RB1: variants seen among roughly 807,000 people sequenced by gnomAD.
RB1 encodes the protein retinoblastoma-associated protein.
A neutral mutation model predicts 135.4 loss-of-function variants in RB1; 18 were observed. The observed-to-expected ratio is 0.13, with a 90% CI of 0.09 to 0.20. The LOEUF is 0.20. RB1 is among the 10% of genes least tolerant of loss of function. The pLI is 1.00. For missense variants in RB1, 868 were observed against 1,110.0 expected, an observed-to-expected ratio of 0.78 and a Z score of 3.10; for synonymous variants, 365 against 373.2, an observed-to-expected ratio of 0.98 and a Z score of 0.25.
rs756634613 is a variant in RB1, at chr13:48,480,065, G to T, written c.2781G>T (p.Glu927Asp). Residue 927 changes from glutamate (E) to aspartate (D), a missense_variant, in exon 27 of 27, where the codon GAG becomes GAT. Transcript: ENST00000267163. ...GCATGGATACCTCAAACAAGGAAGA[G>T]AAATGAGGATCTCAGGACCTTGGTG... ...NDSMDTSNKE[E>D]K 1.2e-6 allele frequency: 2 copies of T among 1,611,842 alleles called. No homozygotes were observed. The highest frequency in any genetic ancestry group is 3.3e-5 in the Admixed American group (2 of 59,964).
rs66738983 is a variant in RB1 at position 48,459,949 on chromosome 13, CTT to C, written c.2106+120_2106+121del. The C allele has an allele frequency of 0.024, 10,872 of 451,594 alleles. 1,014 individuals are homozygous for C. Among genetic ancestry groups the C allele is most frequent in the African/African-American group, 0.15 (4,005 of 25,852 alleles). The allele number at this position is 451,594 out of a possible 1,614,324, so 28.0% of individuals were successfully genotyped here. On this transcript the variant is annotated intron_variant, in intron 20 of 26. Transcript: ENST00000267163. ...TCTTTCTTTCTTTCTTTCTTTCTTT[CTT>C]TTTCTTTCTTTCTTTCTCTCTTTCT...
At chr13:48,387,080 A>G (rs550394510) in intron 17 of RB1, among the ~76,000 whole-genome samples, 16 of 152,204 alleles carry the variant, frequency 1.1e-4, no homozygotes, top group Non-Finnish European at 1.9e-4. Flanking sequence ...TCCTCTTTCC[A>G]TATGAGGCCA....
chr13:48,338,160 G>T lies in RB1; in HGVS notation c.265-4439G>T, dbSNP rs1175624438. Among the ~76,000 whole-genome samples the T allele has an allele frequency of 2.6e-5, 4 of 152,090 alleles. No individual in the cohort carries two copies. In the East Asian group the frequency reaches 7.7e-4, roughly 29 times the overall value. Reference sequence around the variant, plus strand: ...GTGAATCTGACAATTATGTGTCCTGGAGTTGCTCTTCTCGAGGAGTATCTT... The same window carrying T: ...GTGAATCTGACAATTATGTGTCCTGTAGTTGCTCTTCTCGAGGAGTATCTT... On this transcript the variant is annotated intron_variant, in intron 2 of 26. Coordinates refer to ENST00000267163, the MANE Select transcript of RB1 (RefSeq NM_000321.3).
chr13:48,352,698 A>AT lies in RB1; in HGVS notation c.607+3679dup, dbSNP rs143164140. Among the ~76,000 whole-genome samples the AT allele has an allele frequency of 2.9e-3, 443 of 152,098 alleles. 2 individuals carry two copies. The highest frequency in any genetic ancestry group is 9.6e-3 in the African/African-American group (397 of 41,492). The stretch of plus-strand genomic sequence containing the variant: ...AACTACTAGTGATTTTTATACATTG[A>AT]TTTTGTATCCTGAAACTTTGCTGAA... On this transcript the variant is annotated intron_variant, in intron 6 of 26. Coordinates refer to ENST00000267163, the MANE Select transcript of RB1 (RefSeq NM_000321.3).
chr13:48,419,369 T>C (rs1329676100), intron 17 of RB1, among the ~76,000 whole-genome samples: 1 of 152,142 alleles, frequency 6.6e-6, no homozygotes, highest in African/African-American at 2.4e-5. Context: ...CCCAAATCTC[T>C]GGGACACAGC....
rs4151457 is a variant in RB1, at chr13:48,345,398, A to T, written c.500+199A>T. Among the ~76,000 whole-genome samples the T allele has an allele frequency of 5.2e-3, 798 of 152,316 alleles. 2 individuals are homozygous for T. The highest frequency in any genetic ancestry group is 0.018 in the African/African-American group (766 of 41,574). ...CATTCTGAATGCTTCCTGGAAAATTAACCGTTTTATTATCCTTTCATGTCT... is the reference window on the plus strand; with the variant it reads ...CATTCTGAATGCTTCCTGGAAAATTTACCGTTTTATTATCCTTTCATGTCT... On this transcript the variant is annotated intron_variant, in intron 4 of 26. Coordinates refer to ENST00000267163, the MANE Select transcript of RB1 (RefSeq NM_000321.3).
chr13:48,336,146 C>A (rs929053715), intron 2 of RB1, among the ~76,000 whole-genome samples: 1 of 152,048 alleles, frequency 6.6e-6, no homozygotes, highest in Admixed American at 6.6e-5. Flanking sequence ...CTAAAATTCT[C>A]TTTTTTTGTT....
At chr13:48,361,942 AT>A (rs5803430) in intron 7 of RB1, among the ~76,000 whole-genome samples, 252 of 130,530 alleles carry the variant, frequency 1.9e-3, no homozygotes, top group African/African-American at 6.7e-3. Flanking sequence ...ATCATCTGTA[AT>A]TTTTTTTTTT....
chr13:48,352,838 C>T (rs551611714), intron 6 of RB1, among the ~76,000 whole-genome samples: 3 of 152,036 alleles, frequency 2.0e-5, no homozygotes, highest in African/African-American at 4.8e-5. Context: ...ATTTGGATGC[C>T]CTTCATTTCT....
At chr13:48,439,294 A>T (rs1949214154) in intron 17 of RB1, among the ~76,000 whole-genome samples, 1 of 152,222 alleles carries the variant, frequency 6.6e-6, no homozygotes, top group African/African-American at 2.4e-5. Flanking sequence ...CATAGAACCT[A>T]GCATATAGTA....
At chr13:48,438,693 T>C (rs1949207518) in intron 17 of RB1, among the ~76,000 whole-genome samples, 1 of 152,208 alleles carries the variant, frequency 6.6e-6, no homozygotes, top group Non-Finnish European at 1.5e-5. Flanking sequence ...CTACCTTTCT[T>C]CACTTATAAA....
At chr13:48,327,688 A>G (rs1381858416) in intron 2 of RB1, among the ~76,000 whole-genome samples, 1 of 152,242 alleles carries the variant, frequency 6.6e-6, no homozygotes, top group Non-Finnish European at 1.5e-5. Flanking sequence ...TGGGAGCCAG[A>G]CAAGTTTAGG....
At chr13:48,368,635 T>C in intron 11 of RB1, 31 bp downstream of exon 11, 2 of 1,600,406 alleles carry the variant, frequency 1.2e-6, no homozygotes, top group Non-Finnish European at 1.7e-6. Context: ...AATTATATTA[T>C]AATTTTGTTA....
chr13:48,367,574 T>A lies in RB1; in HGVS notation c.1020T>A (p.Asp340Glu). ...DLDARLFLDH[D>E]KTLQTDSIDS... is the part of the protein sequence containing the mutation. Reference sequence around the variant, plus strand: ...ATGCAAGATTATTTTTGGATCATGATAAAACTCTTCAGACTGATTCTATAG... The same window carrying A: ...ATGCAAGATTATTTTTGGATCATGAAAAAACTCTTCAGACTGATTCTATAG... The change falls in exon 10 of 27, where the codon GAT (aspartate) becomes GAA (glutamate). Residue 340 changes from aspartate to glutamate, a missense_variant. By Grantham distance (45) the Asp-to-Glu change is conservative. This residue lies in a region of RB1 where 641 missense variants were observed against 791.3 expected (regional missense o/e 0.81). Transcript: ENST00000267163. 1 of 1,604,796 alleles carries A rather than the reference T, an allele frequency of 6.2e-7. No individual in the cohort carries two copies.
Position 48,319,042 on chromosome 13 carries a change from C to G in RB1, c.264+11636C>G. Reference sequence around the variant, plus strand: ...AAATGCCCAAGATTGCTTCCGCGCGCGTCAGTTCAGCGGACGTGTCTGCCT... The same window carrying G: ...AAATGCCCAAGATTGCTTCCGCGCGGGTCAGTTCAGCGGACGTGTCTGCCT... On this transcript the variant is annotated intron_variant, in intron 2 of 26. Transcript: ENST00000267163. The surrounding 1 kb of genome is among the most constrained non-coding windows in gnomAD (Gnocchi z 5.0). 1.6e-6 allele frequency: 1 copy of G among 642,714 alleles called. No individual in the cohort carries two copies. Among genetic ancestry groups the G allele is most frequent in the Non-Finnish European group, 2.9e-6 (1 of 347,354 alleles). The allele number at this position is 642,714 out of a possible 1,614,324, so 39.8% of individuals were successfully genotyped here.
intron 16 of RB1, 138 bp from the exon 17 acceptor site, chr13:48,381,109 C>A: frequency 8.1e-7 from 1 of 1,231,308 alleles, no homozygotes. Context: ...TCCGTAGACT[C>A]CAAAATAAAA....
At chr13:48,406,633 T>C (rs1490330239) in intron 17 of RB1, 1 of 152,222 alleles carries the variant, frequency 6.6e-6, no homozygotes, top group Non-Finnish European at 1.5e-5. Context: ...ACGTGTAAGA[T>C]GTTAGCCCTA....
chr13:48,419,086 T>G (rs1948963433), intron 17 of RB1, among the ~76,000 whole-genome samples: 2 of 152,192 alleles, frequency 1.3e-5, no homozygotes, highest in South Asian at 2.1e-4. Flanking sequence ...AGAATAGACA[T>G]TCTTCTTAGC....
chr13:48,449,535 T>A (rs1949312880), intron 17 of RB1, among the ~76,000 whole-genome samples: 1 of 152,154 alleles, frequency 6.6e-6, no homozygotes, highest in South Asian at 2.1e-4. Context: ...GTATCTGCCT[T>A]CCAAGCTTTC....
Sources: gnomAD v4.1 joint callset for allele counts (sites outside exome capture counted in the v4.1 genomes callset) on GRCh38, gnomAD v4.1.1 for gene constraint, gnomAD v4.1.1 regional missense constraint, Gnocchi (gnomAD v3.1) non-coding constraint, MANE v1.5 for transcripts, NCBI Gene and HGNC (gene_info 2026-07-23, HGNC 2026-07-21) for gene names.